Variants in YES1 observed in about 807,000 individuals in gnomAD.
The protein encoded by YES1 is YES proto-oncogene 1, Src family tyrosine kinase, also known as tyrosine-protein kinase Yes.
Under a neutral mutation model 70.4 loss-of-function variants are expected in YES1, and 39 were observed. That is an observed-to-expected ratio of 0.55 (90% CI 0.43 to 0.72). YES1 has a LOEUF of 0.72. YES1 is among the 30% of genes least tolerant of loss of function. The pLI, the probability that YES1 is intolerant of heterozygous loss-of-function variation, is 0.00. For missense variants in YES1, 495 were observed against 644.8 expected (o/e 0.77, Z 2.52); for synonymous variants, 198 against 218.6 (o/e 0.91, Z 0.83).
intron 1 of YES1, among the ~76,000 whole-genome samples, chr18:802,634 C>T (rs1284692406): frequency 6.6e-6 from 1 of 152,078 alleles, no homozygotes; most frequent in African/African-American, 2.4e-5. Context: ...CAAGAAATCT[C>T]CCTTTCCATC....
Position 736,971 on chromosome 18 carries a change from A to T in YES1, c.1138-10T>A. ...CCATACCATCAGCAATCTTGGAAAG[A>T]GAAAAACAAAAAACACAAGACATAC... On this transcript the variant is annotated splice_polypyrimidine_tract_variant and intron_variant, in intron 9 of 11. Coordinates refer to ENST00000314574, the MANE Select transcript of YES1 (RefSeq NM_005433.4). The T allele has an allele frequency of 1.3e-6, 2 of 1,598,256 alleles. No individual in the cohort carries two copies. Among genetic ancestry groups the T allele is most frequent in the Non-Finnish European group, 1.7e-6 (2 of 1,176,542 alleles).
chr18:730,466 T>C (rs190163856), intron 11 of YES1, among the ~76,000 whole-genome samples: 60 of 151,218 alleles, frequency 4.0e-4, no homozygotes, highest in African/African-American at 1.4e-3. Context: ...CACCTTAGCC[T>C]CCCAAAGTGC....
At position 756,663 on chromosome 18, in the gene YES1, G is replaced by A. The variant is rs777186126; in HGVS notation, c.165C>T (p.Ser55=). The part of the protein sequence containing the change: ...SSAKGTAVNF[S]SLSMTPFGGS... ...CTCCAAATGGTGTCATGGAAAGACTGCTGAAATTAACTGCTGTTCCCTTTG... is the reference window on the plus strand; with the variant it reads ...CTCCAAATGGTGTCATGGAAAGACTACTGAAATTAACTGCTGTTCCCTTTG... The change falls in exon 2 of 12, where the codon AGC becomes AGT. Residue 55 remains serine (S), a synonymous_variant. Transcript: ENST00000314574. 1.2e-6 allele frequency: 2 copies of A among 1,614,198 alleles called. No homozygotes were observed. Among genetic ancestry groups the A allele is most frequent in the Non-Finnish European group, 1.7e-6 (2 of 1,180,036 alleles).
chr18:749,925 C>T (rs987122996), intron 3 of YES1, among the ~76,000 whole-genome samples: 14 of 150,466 alleles, frequency 9.3e-5, no homozygotes, highest in African/African-American at 2.9e-4. Context: ...TAATTCAGAA[C>T]ATGAGAACTA....
intron 1 of YES1, among the ~76,000 whole-genome samples, chr18:779,414 A>G (rs999141016): frequency 1.3e-5 from 2 of 152,012 alleles, no homozygotes; most frequent in Non-Finnish European, 2.9e-5. Context: ...AAAAAAAAAA[A>G]AAAAAGAAAG....
At chr18:725,126 A>C (rs999371831) in intron 11 of YES1, among the ~76,000 whole-genome samples, 3 of 152,120 alleles carry the variant, frequency 2.0e-5, no homozygotes, top group East Asian at 1.9e-4. Flanking sequence ...TACCTGTTTG[A>C]CTTTCTTCAA....
intron 4 of YES1, among the ~76,000 whole-genome samples, chr18:746,666 T>C (rs1286563930): frequency 2.0e-5 from 3 of 152,208 alleles, no homozygotes; most frequent in Admixed American, 6.5e-5. Flanking sequence ...ATAGAGCACC[T>C]ATCATATACA....
intron 1 of YES1, among the ~76,000 whole-genome samples, chr18:764,636 C>G (rs1904773696): frequency 6.6e-6 from 1 of 152,150 alleles, no homozygotes; most frequent in African/African-American, 2.4e-5. Flanking sequence ...GCTGTGAAGT[C>G]TGGTGGGGGA....
intron 1 of YES1, among the ~76,000 whole-genome samples, chr18:791,705 T>A (rs1906258586): frequency 6.6e-6 from 1 of 152,238 alleles, no homozygotes; most frequent in African/African-American, 2.4e-5. Context: ...GTTATCAACA[T>A]GCAATTAATA....
intron 11 of YES1, among the ~76,000 whole-genome samples, chr18:726,853 T>A (rs73370130): frequency 0.018 from 2,446 of 138,562 alleles, 82 homozygotes; most frequent in African/African-American, 0.063. Flanking sequence ...TCAATAAATG[T>A]AAGGATTTCA....
intron 1 of YES1, among the ~76,000 whole-genome samples, chr18:810,977 T>C (rs1317267601): frequency 6.6e-6 from 1 of 152,332 alleles, no homozygotes; most frequent in South Asian, 2.1e-4. Flanking sequence ...AGATTTACCA[T>C]GCACTTTTCC....
At position 723,677 on chromosome 18, in the gene YES1, C is replaced by G. The variant is rs1363715245; in HGVS notation, c.*747G>C. The stretch of plus-strand genomic sequence containing the variant: ...TTGCCTTAAAAAATCAATGCAACCT[C>G]ATACAAGATTAACTCACTTTCTAGT... On this transcript the variant is annotated 3_prime_UTR_variant, in exon 12 of 12. Transcript: ENST00000314574. The G allele has an allele frequency of 6.6e-6, 1 of 152,666 alleles. No homozygotes were observed. The highest frequency in any genetic ancestry group is 2.4e-5 in the African/African-American group (1 of 41,460). The allele number at this position is 152,666 out of a possible 1,614,324, so 9.5% of individuals were successfully genotyped here.
chr18:731,784 G>A (rs1313867171), intron 11 of YES1, among the ~76,000 whole-genome samples: 3 of 151,626 alleles, frequency 2.0e-5, no homozygotes, highest in African/African-American at 4.8e-5. Flanking sequence ...TGGTTAACAC[G>A]GTGAAACCCC....
At chr18:749,822 T>C (rs901910275) in intron 3 of YES1, among the ~76,000 whole-genome samples, 4 of 148,110 alleles carry the variant, frequency 2.7e-5, no homozygotes, top group African/African-American at 5.0e-5. Context: ...ATTGCGCCAC[T>C]GCACTCCAGC....
At position 787,080 on chromosome 18, in the gene YES1, C is replaced by CTTTTTT. The variant is rs71174290; in HGVS notation, c.-9+25028_-9+25033dup. ...TTTAAAAAACTGTGATACATACTGTCTTTTTTTTTTTTTTTTTTTTTTTTT... is the reference window on the plus strand; with the variant it reads ...TTTAAAAAACTGTGATACATACTGTCTTTTTTTTTTTTTTTTTTTTTTTTTTTTTTT... On this transcript the variant is annotated intron_variant, in intron 1 of 11. Transcript: ENST00000314574. 3.2e-3 allele frequency among the ~76,000 whole-genome samples: 111 copies of CTTTTTT among 34,774 alleles called. 21 individuals are homozygous for CTTTTTT. The highest frequency in any genetic ancestry group is 3.6e-3 in the Non-Finnish European group (72 of 20,034). The allele number at this position is 34,774 out of a possible 152,430, so 22.8% of individuals were successfully genotyped here.
intron 10 of YES1, 150 bp downstream of exon 10, chr18:736,658 G>T: frequency 9.7e-7 from 1 of 1,031,488 alleles, no homozygotes. Context: ...GAAAGCCACA[G>T]CAGTACATGA....
intron 4 of YES1, 140 bp from the exon 5 acceptor site, chr18:746,191 A>C: frequency 3.2e-6 from 2 of 633,802 alleles, no homozygotes; most frequent in South Asian, 4.2e-5. Flanking sequence ...AGGAAAATGT[A>C]AGAGTTTTAT....
chr18:751,558 A>G, intron 3 of YES1, 147 bp downstream of exon 3: 2 of 583,828 alleles, frequency 3.4e-6, no homozygotes, highest in Non-Finnish European at 6.1e-6. Context: ...TGCAACATGC[A>G]TCTATAGAAG....
chr18:804,971 A>C (rs974557574), intron 1 of YES1, among the ~76,000 whole-genome samples: 1 of 151,422 alleles, frequency 6.6e-6, no homozygotes, highest in African/African-American at 2.4e-5. Context: ...TTGCTTAATT[A>C]GTAGAACTGC....
Sources: allele counts gnomAD v4.1 joint callset (sites outside exome capture counted in the v4.1 genomes callset), GRCh38; gene constraint gnomAD v4.1.1; transcripts MANE v1.5; gene names NCBI Gene and HGNC (gene_info 2026-07-23, HGNC 2026-07-21).